Variants in UHRF1 observed in about 807,000 individuals in gnomAD.
UHRF1 encodes E3 ubiquitin-protein ligase UHRF1.
Under a neutral mutation model 96.5 loss-of-function variants are expected in UHRF1, and 9 were observed. The observed-to-expected ratio is 0.09, with a 90% CI of 0.06 to 0.16. The LOEUF (loss-of-function observed/expected upper bound fraction) is 0.16, where lower values mean the gene tolerates loss of function less well. Ranked by LOEUF, UHRF1 falls within the 10% of genes least tolerant of loss-of-function variation. UHRF1 has a pLI of 1.00. For synonymous variants in UHRF1, 455 were observed against 469.9 expected (o/e 0.97, Z 0.41); for missense variants, 626 against 1,131.1 (o/e 0.55, Z 6.40).
chr19:4,938,730 G>GTT (rs71170880), intron 5 of UHRF1, among the ~76,000 whole-genome samples: 1,675 of 61,506 alleles, frequency 0.027, 209 homozygotes, highest in Non-Finnish European at 0.036. Context: ...TTTTGGTCAG[G>GTT]TTTTTTTTTT....
intron 2 of UHRF1, among the ~76,000 whole-genome samples, chr19:4,928,332 G>A (rs887469914): frequency 6.6e-6 from 1 of 151,966 alleles, no homozygotes; most frequent in African/African-American, 2.4e-5. Flanking sequence ...CATCAGGAGG[G>A]GGGGGTCCTA....
chr19:4,919,024 ATT>A (rs144245403), intron 2 of UHRF1, among the ~76,000 whole-genome samples: 30,659 of 118,542 alleles, frequency 0.26, 4,140 homozygotes, highest in African/African-American at 0.49. Flanking sequence ...TCCTGACCTC[ATT>A]TTTTTTTTTT....
At chr19:4,939,678 T>C (rs1209167240) in intron 5 of UHRF1, among the ~76,000 whole-genome samples, 1 of 152,146 alleles carries the variant, frequency 6.6e-6, no homozygotes, top group Admixed American at 6.5e-5. Context: ...AAGAGCCACC[T>C]GTGCTGTGCT....
At position 4,951,873 on chromosome 19, in the gene UHRF1, G is replaced by A. The variant is rs17879224; in HGVS notation, c.1818+877G>A. ...GCAGCATTTCAGCACCAGTTAGGATGTGGTCTGTCCATTGCAGGGAGAAGC... is the reference window on the plus strand; with the variant it reads ...GCAGCATTTCAGCACCAGTTAGGATATGGTCTGTCCATTGCAGGGAGAAGC... On this transcript the variant is annotated intron_variant, in intron 13 of 16. Transcript: ENST00000650932. Among the ~76,000 whole-genome samples the A allele has an allele frequency of 9.5e-3, 1,443 of 152,270 alleles. 13 individuals carry two copies. The highest frequency in any genetic ancestry group is 0.017 in the Non-Finnish European group (1,186 of 68,018).
chr19:4,922,352 G>A (rs1016053766), intron 2 of UHRF1, among the ~76,000 whole-genome samples: 2 of 150,716 alleles, frequency 1.3e-5, no homozygotes, highest in Admixed American at 1.3e-4. Flanking sequence ...TGCAAACTCT[G>A]CCTCCTGGGT....
In UHRF1 at chr19:4,918,145, A is replaced by C. The variant is rs540120561; in HGVS notation, c.153+7107A>C. Reference sequence around the variant, plus strand: ...TTGTTTTGTTTTGTTTTTGAGATGGAGTCTCACTCTGTTGCCCAAGCTGGA... The same window carrying C: ...TTGTTTTGTTTTGTTTTTGAGATGGCGTCTCACTCTGTTGCCCAAGCTGGA... On this transcript the variant is annotated intron_variant, in intron 2 of 16. Transcript: ENST00000650932. Among the ~76,000 whole-genome samples the C allele has an allele frequency of 5.9e-5, 9 of 151,654 alleles. No homozygotes were observed. The South Asian group carries it at 1.9e-3, about 32-fold the overall frequency.
At position 4,954,630 on chromosome 19, in the gene UHRF1, C is replaced by CGT. The variant is rs1568183999; in HGVS notation, c.1958-19_1958-18insTG. 6 of 1,609,542 alleles carry CGT rather than the reference C, an allele frequency of 3.7e-6. No homozygotes were observed. The African/African-American group carries it at 5.4e-5, about 14-fold the overall frequency. On this transcript the variant is annotated intron_variant, in intron 14 of 16. Transcript: ENST00000650932. The surrounding 1 kb of genome is among the most constrained non-coding windows in gnomAD (Gnocchi z 5.9). ...GCTCGGGCCACGCGCCCCTCCCTCA[C>CGT]GCGCCCCACCCTCTTCCAGGAGGTG... is the stretch of plus-strand genomic sequence containing the variant.
In UHRF1 at chr19:4,954,564, A is replaced by G; in HGVS notation, c.1957+76A>G. ...TGGGCATCTCGCGGGTGTGGGGTTG[A>G]GGTCGTGTGGACGTGGGAGCCGGTG... On this transcript the variant is annotated intron_variant, in intron 14 of 16. Coordinates refer to ENST00000650932, the MANE Select transcript of UHRF1 (RefSeq NM_001048201.3). The surrounding 1 kb of genome is among the most constrained non-coding windows in gnomAD (Gnocchi z 5.9). 1 of 1,586,268 alleles carries G rather than the reference A, an allele frequency of 6.3e-7. No individual in the cohort carries two copies. Among genetic ancestry groups the G allele is most frequent in the Non-Finnish European group, 8.6e-7 (1 of 1,164,420 alleles).
At position 4,909,627 on chromosome 19, in the gene UHRF1, C is replaced by T. The variant is rs778275111; in HGVS notation, c.-39C>T. 3.3e-6 allele frequency: 2 copies of T among 603,392 alleles called. No individual in the cohort carries two copies. Among genetic ancestry groups the T allele is most frequent in the South Asian group, 1.8e-5 (1 of 54,568 alleles). The allele number at this position is 603,392 out of a possible 1,614,324, so 37.4% of individuals were successfully genotyped here. On this transcript the variant is annotated 5_prime_UTR_variant, in exon 1 of 17. Transcript: ENST00000650932. The stretch of plus-strand genomic sequence containing the variant: ...TCCCCAGCCGGGCCACGCGCGCAGG[C>T]AGACAAGCTGTTCGCGGCGACCGGA...
intron 5 of UHRF1, among the ~76,000 whole-genome samples, chr19:4,934,916 G>C (rs143492234): frequency 1.3e-5 from 2 of 152,244 alleles, no homozygotes; most frequent in East Asian, 3.9e-4. Context: ...TTCTGAATCT[G>C]AGATTTTCTG....
chr19:4,954,320 G>C lies in UHRF1; in HGVS notation c.1819-30G>C, dbSNP rs777697946. On this transcript the variant is annotated intron_variant, in intron 13 of 16. Coordinates refer to ENST00000650932, the MANE Select transcript of UHRF1 (RefSeq NM_001048201.3). The surrounding 1 kb of genome is among the most constrained non-coding windows in gnomAD (Gnocchi z 5.9). The stretch of plus-strand genomic sequence containing the variant: ...TGCATAGCGTGTGGGCCCCAAGCCT[G>C]ACTCACGGCTGTCCCTCTTCCTCCT... 9 of 1,606,492 alleles carry C rather than the reference G, an allele frequency of 5.6e-6. No individual in the cohort carries two copies. In the East Asian group the frequency reaches 1.6e-4, roughly 28 times the overall value.
intron 2 of UHRF1, among the ~76,000 whole-genome samples, chr19:4,924,937 C>T (rs534805642): frequency 6.6e-6 from 1 of 151,956 alleles, no homozygotes; most frequent in Non-Finnish European, 1.5e-5. Context: ...AGCGATTCTC[C>T]TGCTTCAGCC....
At chr19:4,925,514 ATATTTTATT>A (rs939876735) in intron 2 of UHRF1, among the ~76,000 whole-genome samples, 1 of 151,832 alleles carries the variant, frequency 6.6e-6, no homozygotes, top group South Asian at 2.1e-4. Flanking sequence ...ATTTTGCCTT[ATATTTTATT>A]TATTTTATTT....
At chr19:4,925,219 C>T (rs1462801233) in intron 2 of UHRF1, among the ~76,000 whole-genome samples, 2 of 152,272 alleles carry the variant, frequency 1.3e-5, no homozygotes, top group East Asian at 3.9e-4. Flanking sequence ...GTGTAATCAT[C>T]ACTGCAGTCT....
At chr19:4,939,218 A>ATTTTTTTTTTT in intron 5 of UHRF1, among the ~76,000 whole-genome samples, 1 of 120,814 alleles carries the variant, frequency 8.3e-6, no homozygotes, top group Non-Finnish European at 1.7e-5. Flanking sequence ...GCACCCGGCC[A>ATTTTTTTTTTT]TTTTTTTTTT....
At chr19:4,943,071 C>G (rs1249802266) in intron 7 of UHRF1, among the ~76,000 whole-genome samples, 1 of 151,972 alleles carries the variant, frequency 6.6e-6, no homozygotes, top group Non-Finnish European at 1.5e-5. Context: ...AACCCCGTCT[C>G]TACTAAAAAT....
chr19:4,919,115 CTT>C (rs1206733115), intron 2 of UHRF1, among the ~76,000 whole-genome samples: 5 of 149,718 alleles, frequency 3.3e-5, no homozygotes, highest in African/African-American at 1.2e-4. Flanking sequence ...ACCCCTGCCT[CTT>C]GGGCTCAAGC....
chr19:4,951,124 G>A, intron 13 of UHRF1, 128 bp downstream of exon 13: 5 of 1,296,940 alleles, frequency 3.9e-6, no homozygotes, highest in Non-Finnish European at 1.0e-6. Flanking sequence ...AAATTAGCTG[G>A]GTATGGTGGC....
chr19:4,933,673 C>T (rs1183181055), intron 5 of UHRF1, among the ~76,000 whole-genome samples: 1 of 152,166 alleles, frequency 6.6e-6, no homozygotes, highest in Non-Finnish European at 1.5e-5. Flanking sequence ...TACCAACTTT[C>T]CAGGGACATT....
Sources: gnomAD v4.1 joint callset for allele counts (sites outside exome capture counted in the v4.1 genomes callset) on GRCh38, gnomAD v4.1.1 for gene constraint, Gnocchi (gnomAD v3.1) non-coding constraint, MANE v1.5 for transcripts, NCBI Gene and HGNC (gene_info 2026-07-23, HGNC 2026-07-21) for gene names.